Variants in AUTS2 observed in about 807,000 individuals in gnomAD.
AUTS2 encodes activator of transcription and developmental regulator AUTS2, also known as autism susceptibility gene 2 protein.
AUTS2 carries 17 observed loss-of-function variants against 112.4 expected under a neutral mutation model. The ratio of observed to expected loss-of-function variants is 0.15; its 90% confidence interval spans 0.10 to 0.23. The LOEUF (loss-of-function observed/expected upper bound fraction) is 0.23, where lower values mean the gene tolerates loss of function less well. AUTS2 is among the 10% of genes least tolerant of loss of function. The pLI is 1.00. For synonymous variants in AUTS2, 751 were observed against 702.7 expected (o/e 1.07, Z -1.09); for missense variants, 1,510 against 1,701.6 (o/e 0.89, Z 1.98).
At chr7:69,923,404 T>C (rs1459895481) in intron 2 of AUTS2, among the ~76,000 whole-genome samples, 1 of 152,184 alleles carries the variant, frequency 6.6e-6, no homozygotes, top group African/African-American at 2.4e-5. Flanking sequence ...GTAGTAAGTT[T>C]TGAAGTGAGA....
At chr7:70,744,528 A>G (rs1023654207) in intron 6 of AUTS2, among the ~76,000 whole-genome samples, 1 of 152,230 alleles carries the variant, frequency 6.6e-6, no homozygotes, top group Non-Finnish European at 1.5e-5. Context: ...CATATAAGGA[A>G]GAGGCACAAT....
At chr7:70,386,668 C>G (rs953003523) in intron 4 of AUTS2, among the ~76,000 whole-genome samples, 1 of 152,134 alleles carries the variant, frequency 6.6e-6, no homozygotes, top group Non-Finnish European at 1.5e-5. Context: ...TTCTAATATT[C>G]CATTGGGGGT....
At chr7:70,512,798 T>A (rs1414576825) in intron 5 of AUTS2, among the ~76,000 whole-genome samples, 1 of 151,848 alleles carries the variant, frequency 6.6e-6, no homozygotes, top group Non-Finnish European at 1.5e-5. Flanking sequence ...AATTTTTTTT[T>A]AACTTTTTCC....
At chr7:70,540,042 C>A (rs1393045511) in intron 5 of AUTS2, among the ~76,000 whole-genome samples, 1 of 151,926 alleles carries the variant, frequency 6.6e-6, no homozygotes, top group East Asian at 1.9e-4. Flanking sequence ...CCTTTTTTTT[C>A]CTTGCCTCAA....
chr7:70,388,154 C>T (rs1327995025), intron 4 of AUTS2, among the ~76,000 whole-genome samples: 1 of 152,084 alleles, frequency 6.6e-6, no homozygotes, highest in Non-Finnish European at 1.5e-5. Flanking sequence ...TGTTGAAATC[C>T]TCTCATCCTT....
intron 5 of AUTS2, among the ~76,000 whole-genome samples, chr7:70,450,857 G>T (rs962118106): frequency 6.6e-6 from 1 of 152,140 alleles, no homozygotes; most frequent in African/African-American, 2.4e-5. Context: ...CACTGGGAAG[G>T]GGGGTCAAGG....
chr7:69,727,902 C>A (rs1162643537), intron 1 of AUTS2, among the ~76,000 whole-genome samples: 1 of 152,142 alleles, frequency 6.6e-6, no homozygotes, highest in South Asian at 2.1e-4. Flanking sequence ...TCCCTTGATA[C>A]CCAGACCATA....
At chr7:69,622,012 C>T (rs753692680) in intron 1 of AUTS2, among the ~76,000 whole-genome samples, 1 of 151,912 alleles carries the variant, frequency 6.6e-6, no homozygotes, top group East Asian at 1.9e-4. Flanking sequence ...AGCCTTCTTT[C>T]GCTATTGTTT....
intron 5 of AUTS2, among the ~76,000 whole-genome samples, chr7:70,627,260 C>G (rs1804999851): frequency 6.6e-6 from 1 of 152,086 alleles, no homozygotes; most frequent in South Asian, 2.1e-4. Context: ...TCTCTGTTGA[C>G]TAGTGATGTT....
chr7:70,240,243 G>T (rs943177557), intron 4 of AUTS2, among the ~76,000 whole-genome samples: 1 of 152,232 alleles, frequency 6.6e-6, no homozygotes. Context: ...TACAATTGAT[G>T]TAACCTGGTA....
At chr7:70,770,675 T>C (rs1168430568) in intron 10 of AUTS2, among the ~76,000 whole-genome samples, 1 of 152,206 alleles carries the variant, frequency 6.6e-6, no homozygotes, top group African/African-American at 2.4e-5. Context: ...TCTTTTACCA[T>C]CATAGAGTGG....
intron 6 of AUTS2, among the ~76,000 whole-genome samples, chr7:70,722,634 A>G (rs1468903493): frequency 6.6e-6 from 1 of 152,244 alleles, no homozygotes; most frequent in Non-Finnish European, 1.5e-5. Context: ...AGGTTAATCA[A>G]TAAGGGAAGT....
chr7:70,083,354 G>A (rs1322614965), intron 2 of AUTS2, among the ~76,000 whole-genome samples: 2 of 152,122 alleles, frequency 1.3e-5, no homozygotes, highest in East Asian at 1.9e-4. Context: ...GGATAAGGCA[G>A]CGAGGACAAG....
At chr7:70,053,610 G>A (rs1801861386) in intron 2 of AUTS2, among the ~76,000 whole-genome samples, 1 of 148,200 alleles carries the variant, frequency 6.7e-6, no homozygotes, top group Admixed American at 6.7e-5. Context: ...TGAGATCATG[G>A]CTCACTGAAG....
At chr7:70,657,308 C>G (rs1279629570) in intron 5 of AUTS2, among the ~76,000 whole-genome samples, 1 of 152,118 alleles carries the variant, frequency 6.6e-6, no homozygotes, top group East Asian at 1.9e-4. Context: ...GTAAAATCAG[C>G]TTATTTTTTC....
chr7:70,117,117 G>GTTTT (rs60488343), intron 2 of AUTS2, among the ~76,000 whole-genome samples: 11 of 73,084 alleles, frequency 1.5e-4, no homozygotes, highest in African/African-American at 4.7e-4. Flanking sequence ...TTTTTTTTTT[G>GTTTT]TTTTTTTTTG....
chr7:69,879,544 T>C (rs1455271581), intron 1 of AUTS2, among the ~76,000 whole-genome samples: 1 of 152,182 alleles, frequency 6.6e-6, no homozygotes, highest in Non-Finnish European at 1.5e-5. Flanking sequence ...CCTAGAGTAC[T>C]AAATGTAATG....
chr7:69,883,897 G>A (rs182886509), intron 1 of AUTS2, among the ~76,000 whole-genome samples: 5 of 152,324 alleles, frequency 3.3e-5, no homozygotes, highest in Non-Finnish European at 5.9e-5. Context: ...AGTTTGTTTA[G>A]TGAGTGGTTT....
chr7:70,082,952 A>T (rs986074538), intron 2 of AUTS2, among the ~76,000 whole-genome samples: 2 of 152,194 alleles, frequency 1.3e-5, no homozygotes, highest in Non-Finnish European at 2.9e-5. Context: ...GGTGCTAGGG[A>T]TTCATTAGTA....
Sources: allele counts gnomAD v4.1 joint callset (sites outside exome capture counted in the v4.1 genomes callset), GRCh38; gene constraint gnomAD v4.1.1; transcripts MANE v1.5; gene names NCBI Gene and HGNC (gene_info 2026-07-23, HGNC 2026-07-21).